Variants in TMED5 observed in about 807,000 individuals in gnomAD.
TMED5 encodes transmembrane p24 trafficking protein 5.
In TMED5, 27 loss-of-function variants were observed where a neutral mutation model predicts 23.0. The ratio of observed to expected loss-of-function variants is 1.17; its 90% CI spans 0.86 to 1.62. The LOEUF (loss-of-function observed/expected upper bound fraction) is 1.62, where lower values mean the gene tolerates loss of function less well. Ranked by LOEUF, TMED5 falls within the 40% of genes most tolerant of loss-of-function variation. The pLI is 0.00. For missense variants in TMED5, 248 were observed against 273.7 expected (o/e 0.91, Z 0.66); for synonymous variants, 97 against 100.8 (o/e 0.96, Z 0.23).
intron 1 of TMED5, chr1:93,163,115 T>C (rs1304321175): frequency 6.6e-6 from 1 of 151,282 alleles, no homozygotes; most frequent in Non-Finnish European, 1.5e-5. Flanking sequence ...ATAAAGTTAT[T>C]TTCAGATATC....
Position 93,154,914 on chromosome 1 carries a change from T to C in TMED5, c.472-26A>G, listed in dbSNP as rs761594115. The C allele has an allele frequency of 2.7e-6, 4 of 1,462,548 alleles. No homozygotes were observed. The South Asian group carries it at 5.0e-5, about 18-fold the overall frequency. 90.6% of individuals were successfully genotyped at this position (1,462,548 alleles called of 1,614,324 possible). Reference sequence around the variant, plus strand: ...CTGGAGATAAATAAAATAATTTTATTATTAAAGAATGCTCAGAAATTTTAA... The same window carrying C: ...CTGGAGATAAATAAAATAATTTTATCATTAAAGAATGCTCAGAAATTTTAA... On this transcript the variant is annotated intron_variant, in intron 3 of 3. Transcript: ENST00000370282.
At chr1:93,175,200 T>TATATATATATATAA (rs1491197514) in intron 1 of TMED5, among the ~76,000 whole-genome samples, 1 of 124,010 alleles carries the variant, frequency 8.1e-6, no homozygotes, top group African/African-American at 2.9e-5. Flanking sequence ...TATATATATA[T>TATATATATATATAA]AAATGGACCT....
At chr1:93,157,377 A>C (rs1648110220) in intron 2 of TMED5, among the ~76,000 whole-genome samples, 2 of 152,206 alleles carry the variant, frequency 1.3e-5, no homozygotes, top group Non-Finnish European at 2.9e-5. Flanking sequence ...TGAAGAAAAA[A>C]ATGAATAATA....
At chr1:93,169,139 A>G (rs1430290200) in intron 1 of TMED5, among the ~76,000 whole-genome samples, 1 of 152,222 alleles carries the variant, frequency 6.6e-6, no homozygotes, top group Non-Finnish European at 1.5e-5. Flanking sequence ...ATGATGGCAG[A>G]ATAACATTCT....
chr1:93,173,965 G>GT lies in TMED5; in HGVS notation c.189+6088dup, dbSNP rs894595684. On this transcript the variant is annotated intron_variant, in intron 1 of 3. Transcript: ENST00000370282. ...TAGAGTTACAAAGAGGTTTTTTTTT[G>GT]TTTTTTTTTTGAGATGGAGTCTCAC... 2.7e-3 allele frequency among the ~76,000 whole-genome samples: 397 copies of GT among 146,254 alleles called. 1 individual carries two copies. The highest frequency in any genetic ancestry group is 7.5e-3 in the African/African-American group (302 of 40,012).
chr1:93,174,178 G>A (rs1346219767), intron 1 of TMED5, among the ~76,000 whole-genome samples: 1 of 151,948 alleles, frequency 6.6e-6, no homozygotes, highest in African/African-American at 2.4e-5. Flanking sequence ...CACCATGTTG[G>A]TCAGGCTGGT....
At chr1:93,161,108 A>G (rs1042466382) in intron 1 of TMED5, 3 of 152,164 alleles carry the variant, frequency 2.0e-5, no homozygotes, top group Admixed American at 6.5e-5. Flanking sequence ...TGATGATGAT[A>G]ATCATGGCAA....
In TMED5 at chr1:93,152,916, A is replaced by G. The variant is rs1647928722; in HGVS notation, c.*1754T>C. 6.6e-6 allele frequency: 1 copy of G among 152,536 alleles called. No homozygotes were observed. Among genetic ancestry groups the G allele is most frequent in the African/African-American group, 2.4e-5 (1 of 41,446 alleles). 9.4% of individuals were successfully genotyped at this position (152,536 alleles called of 1,614,324 possible). A position where few individuals can be genotyped will look rare whatever the true frequency, so the allele number is the denominator to read the frequency against. On this transcript the variant is annotated 3_prime_UTR_variant, in exon 4 of 4. Coordinates refer to ENST00000370282, the MANE Select transcript of TMED5 (RefSeq NM_016040.5). ...TTGGCCAATTAAGGTAATTGATCAT[A>G]TACGGCATTTACCTCATTTTTAAAA...
intron 1 of TMED5, among the ~76,000 whole-genome samples, chr1:93,167,712 G>T (rs1648558308): frequency 6.6e-6 from 1 of 152,088 alleles, no homozygotes; most frequent in Non-Finnish European, 1.5e-5. Context: ...AGGATAATTT[G>T]ACTTCTTCCT....
In TMED5 at chr1:93,180,201, CAGA is replaced by C. The variant is rs1557583771; in HGVS notation, c.39_41del (p.Leu14del). 4 of 1,613,238 alleles carry C rather than the reference CAGA, an allele frequency of 2.5e-6. No homozygotes were observed. The highest frequency in any genetic ancestry group is 3.4e-6 in the Non-Finnish European group (4 of 1,179,748). On this transcript the variant is annotated inframe_deletion, in exon 1 of 4. Coordinates refer to ENST00000370282, the MANE Select transcript of TMED5 (RefSeq NM_016040.5). ...GCAGCAGCACCGGAGGCAGAGCGGC[CAGA>C]AGGAGCACGGGGAAGGGCAGCCAGA...
rs1290849304 is a variant in TMED5, at chr1:93,180,131, A to G, written c.112T>C (p.Phe38Leu). The G allele has an allele frequency of 6.2e-7, 1 of 1,613,644 alleles. No homozygotes were observed. The highest frequency in any genetic ancestry group is 2.2e-5 in the East Asian group (1 of 44,808). The change falls in exon 1 of 4, where the codon TTT (phenylalanine) becomes CTT (leucine). Residue 38 changes from phenylalanine to leucine, a missense_variant. Physicochemically the swap from Phe to Leu is conservative, Grantham distance 22. Transcript: ENST00000370282. ...TCCTTCTGGCCGGCGGGAAGGGTAA[A>G]GGTGAAGTCGCTATCGAGGGAAGGT... Reference protein sequence around the residue: ...FTPSLDSDFTFTLPAGQKECF... With the variant: ...FTPSLDSDFTLTLPAGQKECF...
intron 1 of TMED5, among the ~76,000 whole-genome samples, chr1:93,166,748 C>G (rs1308616021): frequency 2.6e-5 from 4 of 152,092 alleles, no homozygotes; most frequent in Non-Finnish European, 5.9e-5. Context: ...CTTTGCTGAG[C>G]AGAAGCTTTT....
chr1:93,177,031 AAAGT>A (rs1648936872), intron 1 of TMED5, among the ~76,000 whole-genome samples: 1 of 152,244 alleles, frequency 6.6e-6, no homozygotes. Context: ...TAAAACCTAA[AAAGT>A]AAGAAATTAG....
intron 1 of TMED5, chr1:93,162,087 TACAGCCTTTTA>T (rs1648299831): frequency 6.6e-6 from 1 of 151,494 alleles, no homozygotes; most frequent in Admixed American, 6.6e-5. Flanking sequence ...CACTATATAG[TACAGCCTTTTA>T]ACTGAAAAAA....
At chr1:93,159,256 TA>T (rs1032882401) in intron 2 of TMED5, among the ~76,000 whole-genome samples, 25 of 152,228 alleles carry the variant, frequency 1.6e-4, no homozygotes. Context: ...CCTGCATGTG[TA>T]TCCCTGGAGA....
intron 1 of TMED5, among the ~76,000 whole-genome samples, chr1:93,171,751 A>G (rs1648740948): frequency 6.6e-6 from 1 of 152,248 alleles, no homozygotes; most frequent in Non-Finnish European, 1.5e-5. Context: ...AAAAGACATT[A>G]CAAGAAATGG....
Position 93,153,353 on chromosome 1 carries a change from A to G in TMED5, c.*1317T>C, listed in dbSNP as rs1239017504. 1 of 152,126 alleles carries G rather than the reference A, an allele frequency of 6.6e-6. No homozygotes were observed. The highest frequency in any genetic ancestry group is 2.4e-5 in the African/African-American group (1 of 41,446). 9.4% of individuals were successfully genotyped at this position (152,126 alleles called of 1,614,324 possible). A position where few individuals can be genotyped will look rare whatever the true frequency, so the allele number is the denominator to read the frequency against. On this transcript the variant is annotated 3_prime_UTR_variant, in exon 4 of 4. Coordinates refer to ENST00000370282, the MANE Select transcript of TMED5 (RefSeq NM_016040.5). Reference sequence around the variant, plus strand: ...CAACATCAATAAATAAAGTGTTCAGAAAGGCCATTTTAATAAAAGTTGTTA... The same window carrying G: ...CAACATCAATAAATAAAGTGTTCAGGAAGGCCATTTTAATAAAAGTTGTTA...
At chr1:93,157,675 C>T (rs1374984277) in intron 2 of TMED5, among the ~76,000 whole-genome samples, 1 of 152,044 alleles carries the variant, frequency 6.6e-6, no homozygotes, top group Non-Finnish European at 1.5e-5. Flanking sequence ...GCACTCTGGC[C>T]TGGGCAACAT....
chr1:93,171,325 G>T (rs986273013), intron 1 of TMED5, among the ~76,000 whole-genome samples: 1 of 152,066 alleles, frequency 6.6e-6, no homozygotes, highest in Non-Finnish European at 1.5e-5. Context: ...CTCCGGACAC[G>T]CTGCCTTTAA....
Sources: allele counts gnomAD v4.1 joint callset (sites outside exome capture counted in the v4.1 genomes callset), GRCh38; gene constraint gnomAD v4.1.1; transcripts MANE v1.5; gene names NCBI Gene and HGNC (gene_info 2026-07-23, HGNC 2026-07-21).